Variants in WWOX observed in about 807,000 individuals in gnomAD.
WWOX encodes the protein WW domain-containing oxidoreductase.
WWOX carries 69 observed loss-of-function variants against 46.2 expected under a neutral mutation model. That is an observed-to-expected ratio of 1.49 (90% CI 1.23 to 1.82). WWOX has a LOEUF of 1.82. Among genes scored for constraint, WWOX ranks in the 40% most tolerant of loss-of-function variants. The pLI, the probability that WWOX is intolerant of heterozygous loss-of-function variation, is 0.00. For synonymous variants in WWOX, 359 were observed against 202.6 expected, an observed-to-expected ratio of 1.77 and a Z score of -6.56; for missense variants, 919 against 542.6, an observed-to-expected ratio of 1.69 and a Z score of -6.89.
chr16:78,379,490 C>A (rs989455984), intron 5 of WWOX, among the ~76,000 whole-genome samples: 1 of 152,166 alleles, frequency 6.6e-6, no homozygotes, highest in Non-Finnish European at 1.5e-5. Context: ...TTATTTCACC[C>A]ACATAGTGAT....
At chr16:78,696,104 A>C (rs1366247549) in intron 8 of WWOX, among the ~76,000 whole-genome samples, 1 of 152,234 alleles carries the variant, frequency 6.6e-6, no homozygotes, top group Non-Finnish European at 1.5e-5. Context: ...CAGGAGAAGC[A>C]GGAAACATAG....
chr16:78,546,839 G>C (rs1019309389), intron 8 of WWOX, among the ~76,000 whole-genome samples: 5 of 152,140 alleles, frequency 3.3e-5, no homozygotes, highest in Admixed American at 2.0e-4. Context: ...AGAACTACCA[G>C]ACCTGGGCCA....
intron 8 of WWOX, among the ~76,000 whole-genome samples, chr16:78,939,553 CAAAT>C (rs1344896303): frequency 6.6e-6 from 1 of 152,042 alleles, no homozygotes; most frequent in Non-Finnish European, 1.5e-5. Context: ...GCAAAAGTGG[CAAAT>C]AAAGAGGGCT....
intron 8 of WWOX, among the ~76,000 whole-genome samples, chr16:78,822,273 C>G (rs1038761182): frequency 2.0e-5 from 3 of 152,054 alleles, no homozygotes; most frequent in African/African-American, 7.2e-5. Flanking sequence ...GTGGGTGGGT[C>G]ATCTGAGGTC....
chr16:78,157,028 A>G (rs752820753), intron 4 of WWOX, among the ~76,000 whole-genome samples: 1 of 152,094 alleles, frequency 6.6e-6, no homozygotes, highest in Non-Finnish European at 1.5e-5. Flanking sequence ...CTGCTATTGA[A>G]TGACTAAGAA....
chr16:79,207,194 T>A (rs1354506211), intron 8 of WWOX, among the ~76,000 whole-genome samples: 1 of 152,240 alleles, frequency 6.6e-6, no homozygotes, highest in Non-Finnish European at 1.5e-5. Flanking sequence ...AGCTCTCTGA[T>A]AAATGATTCT....
At chr16:78,882,405 C>T (rs1044251488) in intron 8 of WWOX, among the ~76,000 whole-genome samples, 2 of 152,004 alleles carry the variant, frequency 1.3e-5, no homozygotes, top group Admixed American at 6.6e-5. Context: ...TATTTTATTA[C>T]CTGTGCCTCC....
intron 8 of WWOX, chr16:78,551,309 C>T (rs1023041414): frequency 4.6e-5 from 7 of 152,140 alleles, no homozygotes; most frequent in Non-Finnish European, 1.0e-4. Context: ...GTCTTCCAAA[C>T]TTTTGTGTAG....
chr16:78,882,410 G>C (rs1244737945), intron 8 of WWOX, among the ~76,000 whole-genome samples: 2 of 151,686 alleles, frequency 1.3e-5, no homozygotes, highest in Admixed American at 1.3e-4. Flanking sequence ...TATTACCTGT[G>C]CCTCCCATTA....
At chr16:78,627,771 A>G (rs2046343476) in intron 8 of WWOX, among the ~76,000 whole-genome samples, 1 of 152,236 alleles carries the variant, frequency 6.6e-6, no homozygotes, top group African/African-American at 2.4e-5. Flanking sequence ...AGTTGACTAG[A>G]CAAAAGGTGC....
intron 8 of WWOX, among the ~76,000 whole-genome samples, chr16:78,765,237 G>C (rs1011991962): frequency 2.6e-5 from 4 of 152,256 alleles, no homozygotes; most frequent in Non-Finnish European, 5.9e-5. Context: ...AGCAAAGGCA[G>C]AAAGTCCAGG....
At chr16:78,394,467 G>A (rs1399705382) in intron 6 of WWOX, among the ~76,000 whole-genome samples, 1 of 152,076 alleles carries the variant, frequency 6.6e-6, no homozygotes, top group African/African-American at 2.4e-5. Context: ...CATCAGGGAA[G>A]AATGCTTCCC....
chr16:78,992,322 C>G (rs991044180), intron 8 of WWOX, among the ~76,000 whole-genome samples: 1 of 152,008 alleles, frequency 6.6e-6, no homozygotes, highest in African/African-American at 2.4e-5. Flanking sequence ...AAAAAATTAG[C>G]CAGGTGTGGT....
chr16:78,210,456 T>C (rs1408673825), intron 5 of WWOX, among the ~76,000 whole-genome samples: 3 of 152,116 alleles, frequency 2.0e-5, no homozygotes, highest in African/African-American at 7.2e-5. Flanking sequence ...AGTGCTAATT[T>C]ACCCACAGTT....
chr16:78,903,033 CACAA>C (rs2044868948), intron 8 of WWOX, among the ~76,000 whole-genome samples: 1 of 152,074 alleles, frequency 6.6e-6, no homozygotes, highest in Non-Finnish European at 1.5e-5. Flanking sequence ...GGACAAAATG[CACAA>C]ACAAAGCAAG....
At chr16:78,782,191 C>T (rs982687279) in intron 8 of WWOX, among the ~76,000 whole-genome samples, 1 of 152,192 alleles carries the variant, frequency 6.6e-6, no homozygotes, top group Non-Finnish European at 1.5e-5. Context: ...TGTCCTTCCT[C>T]TTCAGGCCAC....
chr16:78,186,589 C>T (rs1017913320), intron 5 of WWOX, among the ~76,000 whole-genome samples: 4 of 152,118 alleles, frequency 2.6e-5, no homozygotes, highest in Non-Finnish European at 5.9e-5. Context: ...TATGGCGAAA[C>T]CCTGTCTCTA....
At chr16:78,715,068 C>T (rs990817066) in intron 8 of WWOX, among the ~76,000 whole-genome samples, 3 of 152,000 alleles carry the variant, frequency 2.0e-5, no homozygotes, top group Non-Finnish European at 4.4e-5. Context: ...ATTGCTTGAG[C>T]CCAGGAATTT....
intron 5 of WWOX, among the ~76,000 whole-genome samples, chr16:78,324,028 G>C (rs972353548): frequency 1.3e-5 from 2 of 152,116 alleles, no homozygotes; most frequent in Admixed American, 6.6e-5. Context: ...TATTTCCTCT[G>C]TGTTAGAGAC....
Sources: allele counts gnomAD v4.1 joint callset (sites outside exome capture counted in the v4.1 genomes callset), GRCh38; gene constraint gnomAD v4.1.1; transcripts MANE v1.5; gene names NCBI Gene and HGNC (gene_info 2026-07-23, HGNC 2026-07-21).